TULP3: variants seen among roughly 807,000 people sequenced by gnomAD.
The protein encoded by TULP3 is TUB like protein 3.
A neutral mutation model predicts 50.7 loss-of-function variants in TULP3; 38 were observed. That is an observed-to-expected ratio of 0.75 (90% confidence interval 0.58 to 0.98). The LOEUF (loss-of-function observed/expected upper bound fraction) is 0.98. Ranked by LOEUF, TULP3 falls within the 50% of genes least tolerant of loss-of-function variation. The pLI, the probability that TULP3 is intolerant of heterozygous loss-of-function variation, is 0.00. For missense variants in TULP3, 550 were observed against 568.0 expected (o/e 0.97, Z 0.32); for synonymous variants, 183 against 196.6 (o/e 0.93, Z 0.58).
rs188345918 is a variant in TULP3, at chr12:2,917,688, C to T, written c.94-3075C>T. On this transcript the variant is annotated intron_variant, in intron 2 of 10. Transcript: ENST00000448120. ...GTCAGGAGATCGAGACCATCCTGGC[C>T]AACACGGTGAAACCTCATCTTTACT... Among the ~76,000 whole-genome samples, 464 of 151,894 alleles carry T rather than the reference C, an allele frequency of 3.1e-3. 2 individuals carry two copies. The highest frequency in any genetic ancestry group is 8.0e-3 in the African/African-American group (332 of 41,462).
At chr12:2,933,004 A>G (rs981633964) in intron 6 of TULP3, among the ~76,000 whole-genome samples, 4 of 151,514 alleles carry the variant, frequency 2.6e-5, no homozygotes, top group East Asian at 1.9e-4. Flanking sequence ...GTGCAATGGC[A>G]TGATCTCGGC....
At chr12:2,899,902 ACAAAC>A (rs563627950) in intron 1 of TULP3, among the ~76,000 whole-genome samples, 57,920 of 131,246 alleles carry the variant, frequency 0.44, 14,154 homozygotes, top group African/African-American at 0.56. Context: ...CAAAAAAAAA[ACAAAC>A]AAAAAAAAAA....
chr12:2,929,892 C>T (rs2153950154), intron 4 of TULP3, among the ~76,000 whole-genome samples: 1 of 152,172 alleles, frequency 6.6e-6, no homozygotes, highest in South Asian at 2.1e-4. Flanking sequence ...CCCAGCCTGC[C>T]CTGCCTAAAA....
intron 1 of TULP3, among the ~76,000 whole-genome samples, chr12:2,898,131 T>C (rs950355975): frequency 6.6e-6 from 1 of 150,898 alleles, no homozygotes; most frequent in African/African-American, 2.4e-5. Context: ...GAGTGCTTAC[T>C]ATGAGCCAAG....
intron 1 of TULP3, among the ~76,000 whole-genome samples, chr12:2,901,992 G>GT (rs1457442809): frequency 2.6e-5 from 4 of 152,030 alleles, no homozygotes; most frequent in Admixed American, 2.6e-4. Flanking sequence ...TTTTGTAGTT[G>GT]TTTTCTTGAG....
At chr12:2,937,200 ATTTT>A (rs771074689) in intron 8 of TULP3, among the ~76,000 whole-genome samples, 317 of 54,354 alleles carry the variant, frequency 5.8e-3, no homozygotes, top group African/African-American at 0.023. Flanking sequence ...GGTACACCTG[ATTTT>A]TTTTTTTTTT....
intron 1 of TULP3, among the ~76,000 whole-genome samples, chr12:2,906,266 G>A (rs1268719304): frequency 1.3e-5 from 2 of 148,904 alleles, no homozygotes; most frequent in Non-Finnish European, 2.9e-5. Context: ...TCCTGACCTC[G>A]TGATCCGCTG....
chr12:2,895,196 T>C (rs986834765), intron 1 of TULP3, among the ~76,000 whole-genome samples: 1 of 152,232 alleles, frequency 6.6e-6, no homozygotes, highest in African/African-American at 2.4e-5. Flanking sequence ...GCAGCATTCT[T>C]TGGGGCTATG....
At chr12:2,893,167 A>G (rs778120982) in intron 1 of TULP3, among the ~76,000 whole-genome samples, 4 of 151,582 alleles carry the variant, frequency 2.6e-5, no homozygotes, top group Non-Finnish European at 5.9e-5. Context: ...TTGGCCCTAA[A>G]TTGTAAAATT....
intron 2 of TULP3, among the ~76,000 whole-genome samples, chr12:2,912,574 G>A (rs1257938742): frequency 2.0e-5 from 3 of 152,210 alleles, no homozygotes; most frequent in African/African-American, 4.8e-5. Context: ...CACTGGTCAT[G>A]AGCTCTGTAG....
intron 1 of TULP3, among the ~76,000 whole-genome samples, chr12:2,897,510 A>G (rs1035136708): frequency 5.3e-5 from 8 of 152,102 alleles, no homozygotes; most frequent in Non-Finnish European, 1.0e-4. Flanking sequence ...CAGGCCTATA[A>G]TCCTAGCACT....
intron 4 of TULP3, among the ~76,000 whole-genome samples, chr12:2,926,987 A>AC (rs370506253): frequency 3.1e-4 from 47 of 151,852 alleles, no homozygotes; most frequent in African/African-American, 1.1e-3. Context: ...AATTTTCATC[A>AC]CCCCCAAAAG....
intron 2 of TULP3, among the ~76,000 whole-genome samples, chr12:2,909,782 G>A (rs999583016): frequency 1.3e-5 from 2 of 152,178 alleles, no homozygotes; most frequent in African/African-American, 4.8e-5. Flanking sequence ...GTGCTTTGAG[G>A]ATGTCAGCAA....
At chr12:2,938,325 G>T in intron 10 of TULP3, 40 bp downstream of exon 10, 2 of 1,596,086 alleles carry the variant, frequency 1.3e-6, no homozygotes, top group South Asian at 2.3e-5. Context: ...GAGGAGGACA[G>T]ATGCTCTTAC....
chr12:2,937,015 C>T (rs1041360521), intron 8 of TULP3, among the ~76,000 whole-genome samples: 3 of 150,272 alleles, frequency 2.0e-5, no homozygotes, highest in Admixed American at 6.7e-5. Context: ...ACAGGAATCG[C>T]TTGAACCCAG....
At chr12:2,931,976 G>A (rs1335734736) in intron 6 of TULP3, among the ~76,000 whole-genome samples, 1 of 152,108 alleles carries the variant, frequency 6.6e-6, no homozygotes, top group Non-Finnish European at 1.5e-5. Flanking sequence ...TGCACTAAGT[G>A]GTGGCAGAGC....
At chr12:2,905,294 T>G (rs915305114) in intron 1 of TULP3, among the ~76,000 whole-genome samples, 5 of 151,350 alleles carry the variant, frequency 3.3e-5, no homozygotes, top group Non-Finnish European at 5.9e-5. Flanking sequence ...CAAGCAATTC[T>G]CTTGCCTAAG....
chr12:2,903,570 A>G (rs1385429268), intron 1 of TULP3, among the ~76,000 whole-genome samples: 1 of 151,940 alleles, frequency 6.6e-6, no homozygotes, highest in Non-Finnish European at 1.5e-5. Context: ...CTCAAAAAAA[A>G]AAAAAAGAAA....
At chr12:2,936,712 A>C (rs924386361) in intron 8 of TULP3, among the ~76,000 whole-genome samples, 3 of 151,592 alleles carry the variant, frequency 2.0e-5, no homozygotes, top group Non-Finnish European at 4.4e-5. Flanking sequence ...TTGTGCCATT[A>C]TACTCCAGCC....
Sources: gnomAD v4.1 joint callset for allele counts (sites outside exome capture counted in the v4.1 genomes callset) on GRCh38, gnomAD v4.1.1 for gene constraint, MANE v1.5 for transcripts, NCBI Gene and HGNC (gene_info 2026-07-23, HGNC 2026-07-21) for gene names.